Variants in ASPHD1 observed in about 807,000 individuals in gnomAD.
The protein encoded by ASPHD1 is aspartate beta-hydroxylase domain containing 1.
ASPHD1 carries 20 observed loss-of-function variants against 28.3 expected under a neutral mutation model. The ratio of observed to expected loss-of-function variants is 0.71; its 90% CI spans 0.50 to 1.03. The LOEUF is 1.03. ASPHD1 is among the 50% of genes least tolerant of loss of function. The pLI is 0.00. For missense variants in ASPHD1, 479 were observed against 524.1 expected (o/e 0.91, Z 0.84); for synonymous variants, 240 against 221.2 (o/e 1.08, Z -0.75).
At chr16:29,913,330 A>C (rs2068750301) in intron 3 of ASPHD1, 1 of 152,206 alleles carries the variant, frequency 6.6e-6, no homozygotes, top group African/African-American at 2.4e-5. Context: ...TGAGAACGGT[A>C]TCAGTTCGGG....
chr16:29,902,883 CTTTTTCTTTTTTT>C (rs1362610116), intron 1 of ASPHD1, among the ~76,000 whole-genome samples: 1 of 107,552 alleles, frequency 9.3e-6, no homozygotes, highest in Non-Finnish European at 1.8e-5. Flanking sequence ...GAGATTTTTT[CTTTTTCTTTTTTT>C]TTTTTTTTTG....
rs760865322 is a variant in ASPHD1 at position 29,904,838 on chromosome 16, G to C, written c.950-14G>C. 2 of 1,596,068 alleles carry C rather than the reference G, an allele frequency of 1.3e-6. No individual in the cohort carries two copies. The highest frequency in any genetic ancestry group is 1.7e-6 in the Non-Finnish European group (2 of 1,169,222). On this transcript the variant is annotated splice_polypyrimidine_tract_variant and intron_variant, in intron 1 of 2. Coordinates refer to ENST00000308748, the MANE Select transcript of ASPHD1 (RefSeq NM_181718.4). ...GGAGGCAGGAGTGCTGGATGCCCGC[G>C]TCTCTTCTTACAGGCCTAAAGATCC...
intron 3 of ASPHD1, chr16:29,911,874 G>A: frequency 1.2e-6 from 2 of 1,612,312 alleles, no homozygotes; most frequent in Non-Finnish European, 1.7e-6. Flanking sequence ...CGGGCTGGCG[G>A]GGGAGAGAGG....
chr16:29,900,722 G>C lies in ASPHD1; in HGVS notation c.-250G>C. On this transcript the variant is annotated 5_prime_UTR_variant, in exon 1 of 3. Coordinates refer to ENST00000308748, the MANE Select transcript of ASPHD1 (RefSeq NM_181718.4). ...GAGGAAGACAGGCTGCGGGTTCCCG[G>C]GACTGCAGGTCCAGGCAGGGTAGGA... 1 of 568,986 alleles carries C rather than the reference G, an allele frequency of 1.8e-6. No individual in the cohort carries two copies. Among genetic ancestry groups the C allele is most frequent in the Non-Finnish European group, 3.1e-6 (1 of 322,346 alleles). 35.2% of individuals were successfully genotyped at this position (568,986 alleles called of 1,614,324 possible).
downstream of ASPHD1, chr16:29,906,944 G>T (rs2068623238): frequency 1.2e-6 from 2 of 1,614,112 alleles, no homozygotes; most frequent in African/African-American, 2.7e-5. Flanking sequence ...CATGGATCCT[G>T]CGGACACGGT....
At position 29,901,882 on chromosome 16, in the gene ASPHD1, G is replaced by A. The variant is rs1355971392; in HGVS notation, c.911G>A (p.Arg304His). The A allele has an allele frequency of 2.6e-6, 4 of 1,523,922 alleles. No individual in the cohort carries two copies. Among genetic ancestry groups the A allele is most frequent in the South Asian group, 1.3e-5 (1 of 77,208 alleles). 94.4% of individuals were successfully genotyped at this position (1,523,922 alleles called of 1,614,324 possible). The change falls in exon 1 of 3, where the codon CGC becomes CAC. Residue 304 changes from arginine (R) to histidine (H), a missense_variant. Physicochemically the swap from Arg to His is conservative, Grantham distance 29 (BLOSUM62 0). Coordinates refer to ENST00000308748, the MANE Select transcript of ASPHD1 (RefSeq NM_181718.4). The surrounding 1 kb of genome is among the most constrained non-coding windows in gnomAD (Gnocchi z 5.1). ...VLLPGARLEGRCGPTNARVRC... is the reference protein window; with the variant it reads ...VLLPGARLEGHCGPTNARVRC... ...CTGCCTGGGGCCCGGCTCGAGGGCC[G>A]CTGTGGGCCCACCAATGCCCGGGTC...
chr16:29,911,188 ACCAGGAGG>A, intron 3 of ASPHD1: 1 of 1,611,034 alleles, frequency 6.2e-7, no homozygotes, highest in Non-Finnish European at 8.5e-7. Flanking sequence ...GGACCAGGGG[ACCAGGAGG>A]CCTCAGCGCA....
In ASPHD1 at chr16:29,905,004, C is replaced by G. The variant is rs184322247; in HGVS notation, c.1063+39C>G. The G allele has an allele frequency of 3.4e-3, 5,106 of 1,499,242 alleles. 20 individuals carry two copies. Among genetic ancestry groups the G allele is most frequent in the Non-Finnish European group, 3.8e-3 (4,149 of 1,082,152 alleles). 92.9% of individuals were successfully genotyped at this position (1,499,242 alleles called of 1,614,324 possible). ...CATTCTGCAGGGGGGATGAGGGACT[C>G]AGGAGCAAAGGAGCGTTGACTAGAA... On this transcript the variant is annotated intron_variant, in intron 2 of 2. Transcript: ENST00000308748.
downstream of ASPHD1, among the ~76,000 whole-genome samples, chr16:29,908,628 C>T (rs1353769430): frequency 6.6e-6 from 1 of 151,866 alleles, no homozygotes; most frequent in Non-Finnish European, 1.5e-5. Context: ...TCGTGATCTG[C>T]CCGCCTCAGC....
At chr16:29,904,710 C>T (rs1308920219) in intron 1 of ASPHD1, 142 bp from the exon 2 acceptor site, 3 of 500,816 alleles carry the variant, frequency 6.0e-6, no homozygotes, top group Non-Finnish European at 1.1e-5. Flanking sequence ...TGTAATTATA[C>T]TGTGGCCACT....
intron 1 of ASPHD1, among the ~76,000 whole-genome samples, chr16:29,903,948 G>C (rs767394765): frequency 1.3e-5 from 2 of 151,986 alleles, no homozygotes; most frequent in Admixed American, 6.6e-5. Context: ...AAGCTCTTGA[G>C]TCAAACTGTC....
rs1286899542 is a variant in ASPHD1, at chr16:29,906,001, G to A, written c.*104G>A. 8 of 647,604 alleles carry A rather than the reference G, an allele frequency of 1.2e-5. No homozygotes were observed. Among genetic ancestry groups the A allele is most frequent in the Admixed American group, 2.7e-5 (1 of 37,078 alleles). The allele number at this position is 647,604 out of a possible 1,614,324, so 40.1% of individuals were successfully genotyped here. A position where few individuals can be genotyped will look rare whatever the true frequency, so the allele number is the denominator to read the frequency against. On this transcript the variant is annotated 3_prime_UTR_variant, in exon 3 of 3. Coordinates refer to ENST00000308748, the MANE Select transcript of ASPHD1 (RefSeq NM_181718.4). ...CTCTACTGCGGGGGTGGGCGGGGGCGGAGGATGGGAACTGGCTAGTGAGCA... is the reference window on the plus strand; with the variant it reads ...CTCTACTGCGGGGGTGGGCGGGGGCAGAGGATGGGAACTGGCTAGTGAGCA...
At chr16:29,918,612 A>G (rs554797449) in intron 3 of ASPHD1, among the ~76,000 whole-genome samples, 138 of 151,586 alleles carry the variant, frequency 9.1e-4, no homozygotes, top group Non-Finnish European at 1.7e-3. Context: ...CTGGGACTAC[A>G]GGCACCCACC....
rs774579971 is a variant in ASPHD1, at chr16:29,901,260, C to T, written c.289C>T (p.Arg97Cys). 1.2e-6 allele frequency: 2 copies of T among 1,613,430 alleles called. No homozygotes were observed. The highest frequency in any genetic ancestry group is 4.5e-5 in the East Asian group (2 of 44,862). Residue 97 changes from arginine (R) to cysteine (C), a missense_variant, in exon 1 of 3, where the codon CGC (arginine) becomes TGC (cysteine). Coordinates refer to ENST00000308748, the MANE Select transcript of ASPHD1 (RefSeq NM_181718.4). The surrounding 1 kb of genome is among the most constrained non-coding windows in gnomAD (Gnocchi z 5.1). ...LTSLFLWYCY[R>C]LGSQDMQALG... ...TTCCCTGTTCCTCTGGTACTGCTAC[C>T]GCCTGGGCTCCCAAGACATGCAGGC...
intron 3 of ASPHD1, among the ~76,000 whole-genome samples, chr16:29,912,525 C>T (rs1372778222): frequency 6.6e-6 from 1 of 152,220 alleles, no homozygotes; most frequent in Non-Finnish European, 1.5e-5. Flanking sequence ...ACTGCAACCT[C>T]CACCTCCCGG....
chr16:29,907,374 T>G (rs1277636590), downstream of ASPHD1, among the ~76,000 whole-genome samples: 2 of 152,258 alleles, frequency 1.3e-5, no homozygotes, highest in African/African-American at 2.4e-5. Context: ...TGACAAATAC[T>G]GAGTGAGTGC....
intron 2 of ASPHD1, 81 bp from the exon 3 acceptor site, chr16:29,905,707 C>A: frequency 1.4e-6 from 1 of 692,302 alleles, no homozygotes; most frequent in African/African-American, 1.9e-5. Context: ...TTACTGTTTG[C>A]TTTTATGGTG....
chr16:29,910,684 T>A (rs550758304), downstream of ASPHD1, among the ~76,000 whole-genome samples: 1 of 152,144 alleles, frequency 6.6e-6, no homozygotes, highest in South Asian at 2.1e-4. Context: ...ATGGCAACTA[T>A]GGACCCCCTA....
At chr16:29,917,026 A>C (rs2068822363) in intron 3 of ASPHD1, among the ~76,000 whole-genome samples, 1 of 152,210 alleles carries the variant, frequency 6.6e-6, no homozygotes, top group African/African-American at 2.4e-5. Context: ...CAGAAGCTGT[A>C]ATGTCTTTTA....
Sources: allele counts gnomAD v4.1 joint callset (sites outside exome capture counted in the v4.1 genomes callset), GRCh38; gene constraint gnomAD v4.1.1; non-coding constraint Gnocchi (gnomAD v3.1); transcripts MANE v1.5; gene names NCBI Gene and HGNC (gene_info 2026-07-23, HGNC 2026-07-21).